NAA35: variants seen among roughly 807,000 people sequenced by gnomAD.
NAA35 encodes MAK10 homolog, amino-acid N-acetyltransferase subunit.
NAA35 carries 18 observed loss-of-function variants against 101.7 expected under a neutral mutation model. The observed-to-expected ratio is 0.18, with a 90% CI of 0.12 to 0.26. The LOEUF is 0.26. Among genes scored for constraint, NAA35 ranks in the 10% least tolerant of loss-of-function variants. The probability of loss-of-function intolerance (pLI) is 1.00; values close to 1 mark genes in which losing one functional copy is unlikely to be tolerated. For synonymous variants in NAA35, 267 were observed against 273.1 expected, an observed-to-expected ratio of 0.98 and a Z score of 0.22; for missense variants, 601 against 886.8, an observed-to-expected ratio of 0.68 and a Z score of 4.09.
At chr9:86,010,862 CCA>C (rs1831892254) in intron 15 of NAA35, among the ~76,000 whole-genome samples, 1 of 151,324 alleles carries the variant, frequency 6.6e-6, no homozygotes, top group African/African-American at 2.4e-5. Context: ...CAAGCGTGAG[CCA>C]CCGCGCCTGG....
intron 3 of NAA35, 33 bp downstream of exon 3, chr9:85,956,426 T>A: frequency 7.7e-7 from 1 of 1,299,104 alleles, no homozygotes; most frequent in Non-Finnish European, 1.0e-6. Flanking sequence ...TAGTGTAGTG[T>A]AATGTTTCAG....
Position 85,996,497 on chromosome 9 carries a change from G to T in NAA35, c.976G>T (p.Val326Leu). ...YAKIIKREEM[V>L]NYFARLIDRI... ...AAAAATAATTAAAAGGGAAGAAATG[G>T]TGAACTATTTTGCAAGATTAATAGA... Residue 326 changes from valine to leucine, a missense_variant, in exon 12 of 23, where the codon GTG (valine) becomes TTG (leucine). This residue lies in a region of NAA35 where 190 missense variants were observed against 223.1 expected (regional missense o/e 0.85). Transcript: ENST00000361671. 1.9e-6 allele frequency: 3 copies of T among 1,606,168 alleles called. No individual in the cohort carries two copies. The highest frequency in any genetic ancestry group is 2.2e-5 in the East Asian group (1 of 44,584).
chr9:85,963,468 T>TC (rs2117908672), intron 6 of NAA35, among the ~76,000 whole-genome samples: 1 of 151,962 alleles, frequency 6.6e-6, no homozygotes, highest in South Asian at 2.1e-4. Flanking sequence ...CCGGTTTCAC[T>TC]GTGTTGGCCA....
chr9:85,957,706 C>G (rs1451364544), intron 3 of NAA35, among the ~76,000 whole-genome samples: 2 of 152,234 alleles, frequency 1.3e-5, no homozygotes, highest in African/African-American at 4.8e-5. Flanking sequence ...AGTTCCTATA[C>G]TGCCATGGCC....
chr9:85,998,836 T>G (rs184454335), intron 12 of NAA35, among the ~76,000 whole-genome samples: 19 of 152,342 alleles, frequency 1.2e-4, no homozygotes, highest in South Asian at 4.1e-4. Flanking sequence ...TGTGGAATTG[T>G]CAGCCCCATG....
chr9:85,995,145 A>G (rs1006323197), intron 11 of NAA35, among the ~76,000 whole-genome samples: 23 of 152,050 alleles, frequency 1.5e-4, no homozygotes, highest in Admixed American at 1.3e-3. Context: ...AAACCCATGT[A>G]TCATAATGTT....
At chr9:86,002,531 T>C (rs747933680) in intron 12 of NAA35, among the ~76,000 whole-genome samples, 2 of 152,200 alleles carry the variant, frequency 1.3e-5, no homozygotes, top group Non-Finnish European at 2.9e-5. Context: ...AATCCCATAC[T>C]TCTCAGAGGT....
At position 85,966,602 on chromosome 9, in the gene NAA35, C is replaced by T. The variant is rs536044469; in HGVS notation, c.516+4422C>T. 36 of 1,232,410 alleles carry T rather than the reference C, an allele frequency of 2.9e-5. 1 individual carries two copies. The East Asian group carries it at 4.2e-4, about 14-fold the overall frequency. The allele number at this position is 1,232,410 out of a possible 1,614,324, so 76.3% of individuals were successfully genotyped here. A position where few individuals can be genotyped will look rare whatever the true frequency, so the allele number is the denominator to read the frequency against. Reference sequence around the variant, plus strand: ...ACCCACCTCTTGATCTCAGATTTCGCGGCTCCTAGAACTGATTGATTTTCA... The same window carrying T: ...ACCCACCTCTTGATCTCAGATTTCGTGGCTCCTAGAACTGATTGATTTTCA... On this transcript the variant is annotated intron_variant, in intron 6 of 22. Coordinates refer to ENST00000361671, the MANE Select transcript of NAA35 (RefSeq NM_024635.4).
chr9:85,949,412 G>C (rs1587553073), intron 2 of NAA35, among the ~76,000 whole-genome samples: 2 of 150,292 alleles, frequency 1.3e-5, no homozygotes, highest in South Asian at 2.1e-4. Flanking sequence ...CTCCTGCCTT[G>C]GCCTCCCGAG....
In NAA35 at chr9:86,023,238, T is replaced by G. The variant is rs2118553744; in HGVS notation, c.*1278T>G. Among the ~76,000 whole-genome samples, 1 of 152,086 alleles carries G rather than the reference T, an allele frequency of 6.6e-6. No individual in the cohort carries two copies. Among genetic ancestry groups the G allele is most frequent in the African/African-American group, 2.4e-5 (1 of 41,484 alleles). ...GTCCTGAAATTTCAGAACCGAAAAA[T>G]CTTAAAAAAAATTATTTTTTAAGTA... On this transcript the variant is annotated 3_prime_UTR_variant, in exon 23 of 23. Coordinates refer to ENST00000361671, the MANE Select transcript of NAA35 (RefSeq NM_024635.4).
chr9:85,994,678 T>C (rs183572873), intron 11 of NAA35, among the ~76,000 whole-genome samples: 47 of 152,340 alleles, frequency 3.1e-4, no homozygotes, highest in Middle Eastern at 6.8e-3. Flanking sequence ...GATTTACTTT[T>C]AGAATAACTT....
At chr9:85,946,625 T>C (rs988592607) in intron 2 of NAA35, among the ~76,000 whole-genome samples, 2 of 152,184 alleles carry the variant, frequency 1.3e-5, no homozygotes, top group Admixed American at 6.5e-5. Context: ...TGGCTTTGAA[T>C]GTGGCCCAAC....
intron 12 of NAA35, among the ~76,000 whole-genome samples, chr9:85,997,353 T>C (rs1831207060): frequency 6.6e-6 from 1 of 151,970 alleles, no homozygotes. Flanking sequence ...ATAATTTTTT[T>C]TTTTTTGATA....
chr9:86,011,774 T>C (rs2118417154), intron 15 of NAA35, among the ~76,000 whole-genome samples: 1 of 146,760 alleles, frequency 6.8e-6, no homozygotes, highest in Non-Finnish European at 1.5e-5. Context: ...TACTTCCAGT[T>C]ACTAAATATA....
At chr9:85,969,346 T>C (rs1449048611) in intron 6 of NAA35, among the ~76,000 whole-genome samples, 1 of 151,802 alleles carries the variant, frequency 6.6e-6, no homozygotes, top group African/African-American at 2.4e-5. Context: ...TAAATAGAAG[T>C]AGTCTTCCTA....
rs76377524 is a variant in NAA35 at position 85,973,749 on chromosome 9, GTT to G, written c.517-1207_517-1206del. On this transcript the variant is annotated intron_variant, in intron 6 of 22. Transcript: ENST00000361671. ...TATATAGCTCTGTAATATGATGAGT[GTT>G]TTTTTTTTTTAAGGATTTGATCATG... Among the ~76,000 whole-genome samples the G allele has an allele frequency of 2.3e-4, 33 of 142,878 alleles. No homozygotes were observed. In the East Asian group the frequency reaches 2.4e-3, roughly 10 times the overall value. 93.7% of individuals were successfully genotyped at this position (142,878 alleles called of 152,430 possible). A position where few individuals can be genotyped will look rare whatever the true frequency, so the allele number is the denominator to read the frequency against.
intron 11 of NAA35, among the ~76,000 whole-genome samples, chr9:85,979,781 T>C (rs1239339838): frequency 6.6e-5 from 10 of 152,230 alleles, no homozygotes; most frequent in Non-Finnish European, 1.2e-4. Flanking sequence ...GAGTGATAAC[T>C]GTGTAGGTTT....
chr9:85,955,341 TATATATATATATATATA>T (rs1564287950), intron 2 of NAA35, among the ~76,000 whole-genome samples: 3 of 69,662 alleles, frequency 4.3e-5, no homozygotes, highest in East Asian at 3.2e-4. Flanking sequence ...TATATATATA[TATATATATATATATATA>T]TATTTTTTTT....
intron 1 of NAA35, chr9:85,941,688 G>C: frequency 1.0e-6 from 1 of 986,420 alleles, no homozygotes; most frequent in South Asian, 4.7e-5. Flanking sequence ...TTCTGCCTGG[G>C]TCCGGGCCGG....
Sources: allele counts gnomAD v4.1 joint callset (sites outside exome capture counted in the v4.1 genomes callset), GRCh38; gene constraint gnomAD v4.1.1; regional missense constraint gnomAD v4.1.1; transcripts MANE v1.5; gene names NCBI Gene and HGNC (gene_info 2026-07-23, HGNC 2026-07-21).